Variants in DCC observed in about 807,000 individuals in gnomAD.
DCC encodes DCC netrin 1 receptor.
DCC carries 58 observed loss-of-function variants against 172.5 expected under a neutral mutation model. The ratio of observed to expected loss-of-function variants is 0.34; its 90% CI spans 0.27 to 0.42. The LOEUF (loss-of-function observed/expected upper bound fraction) is 0.42, where lower values mean the gene tolerates loss of function less well. Ranked by LOEUF, DCC falls within the 10% of genes least tolerant of loss-of-function variation. The pLI is 1.00. For missense variants in DCC, 1,740 were observed against 1,791.0 expected (o/e 0.97, Z 0.51); for synonymous variants, 709 against 644.5 (o/e 1.10, Z -1.52).
At position 53,207,735 on chromosome 18, in the gene DCC, A is replaced by G. The variant is rs768887435; in HGVS notation, c.1779A>G (p.Glu593=). 2 of 1,613,406 alleles carry G rather than the reference A, an allele frequency of 1.2e-6. No homozygotes were observed. The highest frequency in any genetic ancestry group is 3.3e-5 in the Admixed American group (2 of 60,016). The part of the protein sequence containing the change: ...YKLEGLKKFT[E]YSLRFLAYNR... ...TGGAAGGCCTGAAAAAATTCACCGA[A>G]TATAGTCTTCGATTCTTAGCTTATA... Residue 593 remains glutamate (E), a synonymous_variant, in exon 11 of 29, where the codon GAA becomes GAG. Coordinates refer to ENST00000442544, the MANE Select transcript of DCC (RefSeq NM_005215.4).
At chr18:52,727,120 A>G (rs751922730) in intron 1 of DCC, among the ~76,000 whole-genome samples, 1 of 152,214 alleles carries the variant, frequency 6.6e-6, no homozygotes, top group Non-Finnish European at 1.5e-5. Flanking sequence ...AATAATAGAT[A>G]TATCACAGTC....
At chr18:53,343,744 T>G (rs778072558) in intron 15 of DCC, among the ~76,000 whole-genome samples, 1 of 152,028 alleles carries the variant, frequency 6.6e-6, no homozygotes, top group African/African-American at 2.4e-5. Flanking sequence ...ATTTATTTCT[T>G]AAGTATTTTA....
intron 13 of DCC, among the ~76,000 whole-genome samples, chr18:53,311,572 G>A (rs2057269297): frequency 6.6e-6 from 1 of 152,106 alleles, no homozygotes; most frequent in African/African-American, 2.4e-5. Flanking sequence ...GTCATCTTTA[G>A]TTCACTTTAT....
chr18:52,810,359 T>G (rs1463385473), intron 2 of DCC, among the ~76,000 whole-genome samples: 1 of 152,184 alleles, frequency 6.6e-6, no homozygotes, highest in Non-Finnish European at 1.5e-5. Context: ...GGTGATGCCC[T>G]ACCTGGGCCT....
intron 1 of DCC, among the ~76,000 whole-genome samples, chr18:52,486,466 A>G (rs961315031): frequency 6.6e-6 from 1 of 152,144 alleles, no homozygotes; most frequent in Non-Finnish European, 1.5e-5. Context: ...TATTTATACC[A>G]ACTAGTCAAA....
intron 5 of DCC, among the ~76,000 whole-genome samples, chr18:53,021,933 C>G (rs551989500): frequency 6.6e-6 from 1 of 152,156 alleles, no homozygotes; most frequent in Non-Finnish European, 1.5e-5. Flanking sequence ...ATAACTACAT[C>G]AAATGTTGCT....
At chr18:53,384,813 T>C (rs1908021138) in intron 15 of DCC, among the ~76,000 whole-genome samples, 1 of 151,430 alleles carries the variant, frequency 6.6e-6, no homozygotes, top group Non-Finnish European at 1.5e-5. Context: ...TTATTTTTTC[T>C]TGTGCTAATT....
chr18:52,714,359 A>G (rs2036343932), intron 1 of DCC, among the ~76,000 whole-genome samples: 1 of 152,256 alleles, frequency 6.6e-6, no homozygotes, highest in African/African-American at 2.4e-5. Context: ...TAATGATCAT[A>G]TAAAACTCAG....
chr18:53,061,920 A>G (rs1440894802), intron 5 of DCC, among the ~76,000 whole-genome samples: 1 of 152,124 alleles, frequency 6.6e-6, no homozygotes, highest in African/African-American at 2.4e-5. Flanking sequence ...ACCCTTGACC[A>G]AAGTCTTTGG....
chr18:53,465,243 CTT>C (rs527307532), intron 24 of DCC, among the ~76,000 whole-genome samples: 5 of 144,134 alleles, frequency 3.5e-5, no homozygotes, highest in Admixed American at 1.4e-4. Flanking sequence ...ATTCCATTAG[CTT>C]TTTTTTTTTT....
At chr18:53,141,282 A>T (rs1407544971) in intron 7 of DCC, among the ~76,000 whole-genome samples, 1 of 152,202 alleles carries the variant, frequency 6.6e-6, no homozygotes, top group Non-Finnish European at 1.5e-5. Context: ...AAGTAAGAGA[A>T]CCACTGTGTA....
At chr18:52,481,389 A>C (rs1197509175) in intron 1 of DCC, among the ~76,000 whole-genome samples, 5 of 152,084 alleles carry the variant, frequency 3.3e-5, no homozygotes, top group Non-Finnish European at 7.4e-5. Context: ...TTTGCTATTT[A>C]ATCTACCAAG....
intron 5 of DCC, among the ~76,000 whole-genome samples, chr18:53,022,196 T>G (rs777072977): frequency 5.9e-5 from 9 of 152,152 alleles, no homozygotes; most frequent in Non-Finnish European, 1.0e-4. Flanking sequence ...GAATATAAAT[T>G]TGTAATAACC....
chr18:52,408,559 C>A (rs1225772976), intron 1 of DCC, among the ~76,000 whole-genome samples: 1 of 151,982 alleles, frequency 6.6e-6, no homozygotes, highest in Non-Finnish European at 1.5e-5. Context: ...AGTAATTACA[C>A]CCCAGGTTTT....
chr18:53,464,114 T>A (rs1206985803), intron 24 of DCC, among the ~76,000 whole-genome samples: 1 of 152,160 alleles, frequency 6.6e-6, no homozygotes, highest in Non-Finnish European at 1.5e-5. Context: ...TCAAAATTAT[T>A]TTCTTTACTT....
intron 5 of DCC, among the ~76,000 whole-genome samples, chr18:52,965,746 G>A (rs1314422275): frequency 6.6e-6 from 1 of 152,136 alleles, no homozygotes; most frequent in Admixed American, 6.6e-5. Flanking sequence ...TGTGTCATAA[G>A]TAATTTATAT....
At position 52,515,606 on chromosome 18, in the gene DCC, C is replaced by CAAAAAAAAAAAAAAAAAAAAA. The variant is rs58112743; in HGVS notation, c.91+174748_91+174749insAAAAAAAAAAAAAAAAAAAAA. Among the ~76,000 whole-genome samples the CAAAAAAAAAAAAAAAAAAAAA allele has an allele frequency of 2.2e-3, 23 of 10,320 alleles. 4 individuals are homozygous for CAAAAAAAAAAAAAAAAAAAAA. Among genetic ancestry groups the CAAAAAAAAAAAAAAAAAAAAA allele is most frequent in the African/African-American group, 3.3e-3 (15 of 4,588 alleles). The allele number at this position is 10,320 out of a possible 152,430, so 6.8% of individuals were successfully genotyped here. A position where few individuals can be genotyped will look rare whatever the true frequency, so the allele number is the denominator to read the frequency against. ...TGGGCGACAGAGCGAAACCCTGTCTCAAAAAAAAAAAAAAAAAAAATCATA... is the reference window on the plus strand; with the variant it reads ...TGGGCGACAGAGCGAAACCCTGTCTCAAAAAAAAAAAAAAAAAAAAAAAAAAAAAAAAAAAAAAAAATCATA... On this transcript the variant is annotated intron_variant, in intron 1 of 28. Transcript: ENST00000442544.
chr18:52,767,946 G>A (rs555391193), intron 2 of DCC, among the ~76,000 whole-genome samples: 1 of 152,324 alleles, frequency 6.6e-6, no homozygotes, highest in East Asian at 1.9e-4. Context: ...GCTGAGTTGA[G>A]AATGTGTGTT....
intron 1 of DCC, among the ~76,000 whole-genome samples, chr18:52,509,447 A>G (rs548388594): frequency 5.9e-5 from 9 of 152,274 alleles, no homozygotes; most frequent in Non-Finnish European, 1.3e-4. Flanking sequence ...TGATTTGACC[A>G]TGAATTGATT....
Sources: gnomAD v4.1 joint callset for allele counts (sites outside exome capture counted in the v4.1 genomes callset) on GRCh38, gnomAD v4.1.1 for gene constraint, MANE v1.5 for transcripts, NCBI Gene and HGNC (gene_info 2026-07-23, HGNC 2026-07-21) for gene names.